RFTN1: variants seen among roughly 807,000 people sequenced by gnomAD.
RFTN1 encodes raftlin.
A neutral mutation model predicts 46.5 loss-of-function variants in RFTN1; 26 were observed. That is an observed-to-expected ratio of 0.56 (90% CI 0.41 to 0.78). The LOEUF (loss-of-function observed/expected upper bound fraction) is 0.78, where lower values mean the gene tolerates loss of function less well. Ranked by LOEUF, RFTN1 falls within the 30% of genes least tolerant of loss-of-function variation. RFTN1 has a pLI of 0.00. For missense variants in RFTN1, 693 were observed against 718.7 expected, an observed-to-expected ratio of 0.96 and a Z score of 0.41; for synonymous variants, 261 against 284.2, an observed-to-expected ratio of 0.92 and a Z score of 0.82.
rs576246011 is a variant in RFTN1 at position 16,383,196 on chromosome 3, C to T, written c.442-5094G>A. 1.9e-4 allele frequency among the ~76,000 whole-genome samples: 29 copies of T among 152,334 alleles called. No individual in the cohort carries two copies. Among genetic ancestry groups the T allele is most frequent in the African/African-American group, 6.3e-4 (26 of 41,576 alleles). On this transcript the variant is annotated intron_variant, in intron 4 of 9. Transcript: ENST00000334133. This position sits in a 1 kb window ranked among gnomAD's most constrained non-coding sequence, Gnocchi z 4.0. ...ACCTGATGCCTCTTCAACGATACCA[C>T]TCTTTCCACTTCAGATAATCTGACC...
rs1435254681 is a variant in RFTN1 at position 16,459,069 on chromosome 3, G to C, written c.146-25032C>G. On this transcript the variant is annotated intron_variant, in intron 2 of 9. Coordinates refer to ENST00000334133, the MANE Select transcript of RFTN1 (RefSeq NM_015150.2). The surrounding 1 kb of genome is among the most constrained non-coding windows in gnomAD (Gnocchi z 4.2). ...CCCACCTCAGCCTCCCGAGTAGCTGGGACCACAGGTGTGCACCATGCCCAG... is the reference window on the plus strand; with the variant it reads ...CCCACCTCAGCCTCCCGAGTAGCTGCGACCACAGGTGTGCACCATGCCCAG... Among the ~76,000 whole-genome samples, 1 of 152,008 alleles carries C rather than the reference G, an allele frequency of 6.6e-6. No individual in the cohort carries two copies. The highest frequency in any genetic ancestry group is 2.4e-5 in the African/African-American group (1 of 41,358).
At chr3:16,454,191 A>G (rs1469868481) in intron 2 of RFTN1, among the ~76,000 whole-genome samples, 1 of 152,188 alleles carries the variant, frequency 6.6e-6, no homozygotes. Flanking sequence ...CACAATGATG[A>G]TTTTCTAAAA....
At position 16,448,144 on chromosome 3, in the gene RFTN1, A is replaced by G. The variant is rs954547007; in HGVS notation, c.146-14107T>C. On this transcript the variant is annotated intron_variant, in intron 2 of 9. Coordinates refer to ENST00000334133, the MANE Select transcript of RFTN1 (RefSeq NM_015150.2). This position sits in a 1 kb window ranked among gnomAD's most constrained non-coding sequence, Gnocchi z 4.1. ...TGGTAAAAAAAAAAAAAGTCTCCCA[A>G]TAATAATTTTTTATTGATTCCATAT... Among the ~76,000 whole-genome samples the G allele has an allele frequency of 6.6e-6, 1 of 152,120 alleles. No individual in the cohort carries two copies. Among genetic ancestry groups the G allele is most frequent in the Admixed American group, 6.5e-5 (1 of 15,280 alleles).
At chr3:16,330,164 G>T (rs1237949659) in intron 7 of RFTN1, among the ~76,000 whole-genome samples, 2 of 152,160 alleles carry the variant, frequency 1.3e-5, no homozygotes, top group African/African-American at 4.8e-5. Flanking sequence ...GAGAGCTGAA[G>T]GTTCAATCTC....
At chr3:16,439,732 G>A (rs1050575021) in intron 2 of RFTN1, among the ~76,000 whole-genome samples, 7 of 152,162 alleles carry the variant, frequency 4.6e-5, no homozygotes, top group Admixed American at 3.9e-4. Flanking sequence ...CAGTGGGCGG[G>A]AGAAACATCA....
intron 3 of RFTN1, among the ~76,000 whole-genome samples, chr3:16,412,731 T>A (rs1344855287): frequency 6.6e-6 from 1 of 152,238 alleles, no homozygotes; most frequent in Admixed American, 6.5e-5. Flanking sequence ...TGTGATGGCA[T>A]TATGTTATAT....
rs1297279711 is a variant in RFTN1, at chr3:16,327,772, AC to A, written c.1147-897del. ...CGGGATTCCCATCTCAAAAAAAAAA[AC>A]AAAACGAAAAAAACTTCAGCCCCCT... On this transcript the variant is annotated intron_variant, in intron 7 of 9. Transcript: ENST00000334133. This position sits in a 1 kb window ranked among gnomAD's most constrained non-coding sequence, Gnocchi z 4.2. 8.9e-5 allele frequency among the ~76,000 whole-genome samples: 13 copies of A among 146,866 alleles called. No individual in the cohort carries two copies. Among genetic ancestry groups the A allele is most frequent in the Admixed American group, 6.8e-4 (10 of 14,734 alleles).
intron 7 of RFTN1, among the ~76,000 whole-genome samples, chr3:16,328,076 C>T (rs1398865579): frequency 6.6e-6 from 1 of 152,124 alleles, no homozygotes; most frequent in Non-Finnish European, 1.5e-5. Flanking sequence ...ATGATGGGTG[C>T]AAAGGCACAG....
Position 16,345,786 on chromosome 3 carries a change from C to CTGTGTG in RFTN1, c.1146+12145_1146+12146insCACACA, listed in dbSNP as rs1553726059. On this transcript the variant is annotated intron_variant, in intron 7 of 9. Coordinates refer to ENST00000334133, the MANE Select transcript of RFTN1 (RefSeq NM_015150.2). This position sits in a 1 kb window ranked among gnomAD's most constrained non-coding sequence, Gnocchi z 5.2. ...CATGAGCCAAAACCTTATAATAAAT[C>CTGTGTG]TCTGTGTGTGTGTGTGTGTGTGTGT... Among the ~76,000 whole-genome samples the CTGTGTG allele has an allele frequency of 9.8e-5, 8 of 81,550 alleles. No individual in the cohort carries two copies. Among genetic ancestry groups the CTGTGTG allele is most frequent in the African/African-American group, 3.2e-4 (6 of 18,504 alleles). The allele number at this position is 81,550 out of a possible 152,430, so 53.5% of individuals were successfully genotyped here.
At chr3:16,464,059 C>G (rs2124933331) in intron 2 of RFTN1, among the ~76,000 whole-genome samples, 1 of 152,284 alleles carries the variant, frequency 6.6e-6, no homozygotes, top group Middle Eastern at 3.4e-3. Context: ...ACTCAACACC[C>G]CTTCTGCTTT....
At chr3:16,408,390 A>G (rs1248629679) in intron 4 of RFTN1, among the ~76,000 whole-genome samples, 1 of 152,110 alleles carries the variant, frequency 6.6e-6, no homozygotes, top group Non-Finnish European at 1.5e-5. Context: ...CTGACAGCTG[A>G]CAATATTTAT....
chr3:16,503,742 C>T (rs556265645), intron 1 of RFTN1, among the ~76,000 whole-genome samples: 2 of 152,156 alleles, frequency 1.3e-5, no homozygotes, highest in African/African-American at 4.8e-5. Context: ...GTCTCCTCTG[C>T]CATCCTCCCA....
intron 6 of RFTN1, among the ~76,000 whole-genome samples, chr3:16,359,932 G>A (rs774981099): frequency 3.1e-4 from 47 of 152,034 alleles, no homozygotes; most frequent in Non-Finnish European, 4.7e-4. Flanking sequence ...ACTGACAAAT[G>A]TGAATATATA....
At chr3:16,470,306 GA>G (rs2076172695) in intron 2 of RFTN1, among the ~76,000 whole-genome samples, 1 of 152,126 alleles carries the variant, frequency 6.6e-6, no homozygotes, top group African/African-American at 2.4e-5. Context: ...GGGCACTGGA[GA>G]GGAAGCCAAG....
chr3:16,360,346 T>C (rs1382216401), intron 6 of RFTN1, among the ~76,000 whole-genome samples: 1 of 152,154 alleles, frequency 6.6e-6, no homozygotes, highest in African/African-American at 2.4e-5. Flanking sequence ...AATTTTTTAT[T>C]ATTTGTAGAG....
chr3:16,444,782 G>A (rs1374075714), intron 2 of RFTN1, among the ~76,000 whole-genome samples: 1 of 152,172 alleles, frequency 6.6e-6, no homozygotes, highest in African/African-American at 2.4e-5. Context: ...TGCTCCTTAC[G>A]AGTTTCACTT....
chr3:16,438,837 C>A (rs927189682), intron 2 of RFTN1, among the ~76,000 whole-genome samples: 1 of 151,924 alleles, frequency 6.6e-6, no homozygotes, highest in Non-Finnish European at 1.5e-5. Flanking sequence ...GACTGGTCAC[C>A]CCGGGATGGT....
intron 4 of RFTN1, among the ~76,000 whole-genome samples, chr3:16,391,870 T>G (rs1367333596): frequency 0.049 from 477 of 9,824 alleles, 5 homozygotes; most frequent in African/African-American, 0.12. Flanking sequence ...TTTTTTTTTG[T>G]TTTTTTTTTT....
At position 16,484,339 on chromosome 3, in the gene RFTN1, T is replaced by G. The variant is rs946799479; in HGVS notation, c.145+9386A>C. Among the ~76,000 whole-genome samples the G allele has an allele frequency of 2.6e-5, 4 of 152,206 alleles. No individual in the cohort carries two copies. Among genetic ancestry groups the G allele is most frequent in the Admixed American group, 6.5e-5 (1 of 15,286 alleles). On this transcript the variant is annotated intron_variant, in intron 2 of 9. Coordinates refer to ENST00000334133, the MANE Select transcript of RFTN1 (RefSeq NM_015150.2). The surrounding 1 kb of genome is among the most constrained non-coding windows in gnomAD (Gnocchi z 4.6). ...AAAACTGGACCTGTAGAAAACTTAT[T>G]GCGCAATGTGCATGTCTTGAATAAG...
Sources: gnomAD v4.1 joint callset for allele counts (sites outside exome capture counted in the v4.1 genomes callset) on GRCh38, gnomAD v4.1.1 for gene constraint, Gnocchi (gnomAD v3.1) non-coding constraint, MANE v1.5 for transcripts, NCBI Gene and HGNC (gene_info 2026-07-23, HGNC 2026-07-21) for gene names.